KCNJ15: variants seen among roughly 807,000 people sequenced by gnomAD.
KCNJ15 encodes potassium inwardly rectifying channel subfamily J member 15.
In KCNJ15, 14 loss-of-function variants were observed where a neutral mutation model predicts 23.0. That is an observed-to-expected ratio of 0.61 (90% CI 0.40 to 0.95). The LOEUF is 0.95. KCNJ15 is among the 40% of genes least tolerant of loss of function. The pLI is 0.00. For synonymous variants in KCNJ15, 185 were observed against 183.2 expected (o/e 1.01, Z -0.08); for missense variants, 388 against 461.8 (o/e 0.84, Z 1.46).
At chr21:38,276,175 C>G (rs1982671350) in intron 1 of KCNJ15, among the ~76,000 whole-genome samples, 1 of 151,860 alleles carries the variant, frequency 6.6e-6, no homozygotes, top group Non-Finnish European at 1.5e-5. Flanking sequence ...TATGTCATCT[C>G]TTATATCAAA....
At chr21:38,253,233 C>T (rs752387251), upstream of KCNJ15, among the ~76,000 whole-genome samples, 1 of 152,144 alleles carries the variant, frequency 6.6e-6, no homozygotes, top group Non-Finnish European at 1.5e-5. Context: ...AAATTGCCTG[C>T]GCATTTTTGT....
chr21:38,272,964 T>A (rs1315654372), intron 1 of KCNJ15, among the ~76,000 whole-genome samples: 2 of 152,216 alleles, frequency 1.3e-5, no homozygotes, highest in African/African-American at 2.4e-5. Flanking sequence ...CTTTCAATAG[T>A]AATGCACCAA....
chr21:38,288,026 C>CTTTCTTTT (rs1171718120), intron 1 of KCNJ15, among the ~76,000 whole-genome samples: 2 of 78,170 alleles, frequency 2.6e-5, no homozygotes, highest in South Asian at 5.0e-4. Flanking sequence ...TTGTTTTTTT[C>CTTTCTTTT]TTTGTTTTTT....
intron 1 of KCNJ15, among the ~76,000 whole-genome samples, chr21:38,251,242 T>A (rs183628335): frequency 6.6e-6 from 1 of 152,330 alleles, no homozygotes; most frequent in Non-Finnish European, 1.5e-5. Flanking sequence ...TTGACGGGAA[T>A]TGCCACAAAA....
rs1481652292 is a variant in KCNJ15 at position 38,306,573 on chromosome 21, T to C, written c.*6184T>C. On this transcript the variant is annotated 3_prime_UTR_variant, in exon 3 of 3. Transcript: ENST00000398938. Reference sequence around the variant, plus strand: ...TTTCATCTGCAATCAAATCTCAGGATTAAGGATGTCGTATTACATCAAATC... The same window carrying C: ...TTTCATCTGCAATCAAATCTCAGGACTAAGGATGTCGTATTACATCAAATC... 2.6e-5 allele frequency: 4 copies of C among 152,184 alleles called. No homozygotes were observed. The highest frequency in any genetic ancestry group is 2.6e-4 in the Admixed American group (4 of 15,278). The allele number at this position is 152,184 out of a possible 1,614,324, so 9.4% of individuals were successfully genotyped here.
Position 38,233,098 on chromosome 21 carries a change from A to G in KCNJ15, c.-398-23948A>G, listed in dbSNP as rs1417710874. ...ATTGTCTGTTTCTTCCTTCAATTCC[A>G]TAAGTTTTTGCTTTATGTATTTTGG... On this transcript the variant is annotated intron_variant, in intron 1 of 4. Transcript: ENST00000547341. Among the ~76,000 whole-genome samples, 4 of 152,144 alleles carry G rather than the reference A, an allele frequency of 2.6e-5. 1 individual carries two copies. The South Asian group carries it at 6.2e-4, about 24-fold the overall frequency.
chr21:38,288,163 C>T (rs554748016), intron 1 of KCNJ15, among the ~76,000 whole-genome samples: 35 of 149,804 alleles, frequency 2.3e-4, no homozygotes, highest in African/African-American at 7.8e-4. Flanking sequence ...GCCTCAGCCT[C>T]CCGAGCAGCT....
chr21:38,303,824 A>C lies in KCNJ15; in HGVS notation c.*3435A>C, dbSNP rs910273115. 1 of 152,186 alleles carries C rather than the reference A, an allele frequency of 6.6e-6. No homozygotes were observed. The highest frequency in any genetic ancestry group is 1.5e-5 in the Non-Finnish European group (1 of 68,022). 9.4% of individuals were successfully genotyped at this position (152,186 alleles called of 1,614,324 possible). A position where few individuals can be genotyped will look rare whatever the true frequency, so the allele number is the denominator to read the frequency against. ...GCATGAAAAAAATAGTGGCATTTGCACTCTAGCATTATTCTGTCTCCCTTA... is the reference window on the plus strand; with the variant it reads ...GCATGAAAAAAATAGTGGCATTTGCCCTCTAGCATTATTCTGTCTCCCTTA... On this transcript the variant is annotated 3_prime_UTR_variant, in exon 3 of 3. Transcript: ENST00000398938.
At chr21:38,298,008 A>C (rs1985333312) in intron 2 of KCNJ15, 2 of 152,232 alleles carry the variant, frequency 1.3e-5, no homozygotes, top group South Asian at 4.1e-4. Context: ...TAACAGAAAG[A>C]GCAATGCATG....
chr21:38,292,872 G>A (rs1476921100), intron 1 of KCNJ15, among the ~76,000 whole-genome samples: 2 of 151,604 alleles, frequency 1.3e-5, no homozygotes, highest in Non-Finnish European at 2.9e-5. Flanking sequence ...GGAAGGCTGA[G>A]GCAGGAGAGT....
intron 1 of KCNJ15, among the ~76,000 whole-genome samples, chr21:38,266,282 C>A (rs1025171311): frequency 6.6e-6 from 1 of 152,182 alleles, no homozygotes; most frequent in Non-Finnish European, 1.5e-5. Context: ...TGCTCTCCCT[C>A]CTCTAGCTTC....
intron 1 of KCNJ15, among the ~76,000 whole-genome samples, chr21:38,248,791 G>T (rs941975152): frequency 6.6e-6 from 1 of 152,164 alleles, no homozygotes; most frequent in Non-Finnish European, 1.5e-5. Flanking sequence ...AGTGCAACCA[G>T]CAGGAAGAGG....
At chr21:38,268,747 A>G (rs1981765779) in intron 1 of KCNJ15, 1 of 152,008 alleles carries the variant, frequency 6.6e-6, no homozygotes, top group Admixed American at 6.6e-5. Context: ...CCTGGCAGCA[A>G]TACTCTTGGG....
rs1366243557 is a variant in KCNJ15 at position 38,305,926 on chromosome 21, T to C, written c.*5537T>C. On this transcript the variant is annotated 3_prime_UTR_variant, in exon 3 of 3. Transcript: ENST00000398938. ...CTTGCCCAATTATCAAGGGAAAATT[T>C]CAGCTGAACACGGGGAACCCAGTCT... 6.6e-6 allele frequency: 1 copy of C among 152,216 alleles called. No individual in the cohort carries two copies. The highest frequency in any genetic ancestry group is 2.4e-5 in the African/African-American group (1 of 41,456). 9.4% of individuals were successfully genotyped at this position (152,216 alleles called of 1,614,324 possible).
chr21:38,261,814 T>A (rs1030142950), intron 1 of KCNJ15, among the ~76,000 whole-genome samples: 1 of 152,216 alleles, frequency 6.6e-6, no homozygotes, highest in Admixed American at 6.5e-5. Context: ...TAGAATGGTA[T>A]TGAATGCATG....
At chr21:38,280,809 A>G (rs1320627283) in intron 1 of KCNJ15, among the ~76,000 whole-genome samples, 2 of 152,180 alleles carry the variant, frequency 1.3e-5, no homozygotes, top group East Asian at 1.9e-4. Flanking sequence ...CTTTCTCAAC[A>G]GTCATGTGAG....
intron 1 of KCNJ15, among the ~76,000 whole-genome samples, chr21:38,265,687 G>A (rs1226237452): frequency 6.6e-6 from 1 of 152,192 alleles, no homozygotes; most frequent in Non-Finnish European, 1.5e-5. Flanking sequence ...AAGGACTCAA[G>A]GAGCCTCCAG....
intron 1 of KCNJ15, among the ~76,000 whole-genome samples, chr21:38,235,314 G>A (rs747749921): frequency 2.0e-5 from 3 of 152,040 alleles, no homozygotes; most frequent in Non-Finnish European, 2.9e-5. Context: ...AGCACTTTGG[G>A]AGGCCGAGGT....
At chr21:38,257,347 C>T (rs1355699638) in intron 1 of KCNJ15, among the ~76,000 whole-genome samples, 162 bp downstream of exon 1, 2 of 152,154 alleles carry the variant, frequency 1.3e-5, no homozygotes, top group African/African-American at 4.8e-5. Flanking sequence ...TTTACAAGTG[C>T]TGTTTGCATG....
Sources: gnomAD v4.1 joint callset for allele counts (sites outside exome capture counted in the v4.1 genomes callset) on GRCh38, gnomAD v4.1.1 for gene constraint, MANE v1.5 for transcripts, NCBI Gene and HGNC (gene_info 2026-07-23, HGNC 2026-07-21) for gene names.